PRUNE2: variants seen among roughly 807,000 people sequenced by gnomAD.
PRUNE2 encodes the protein protein prune homolog 2.
A neutral mutation model predicts 252.0 loss-of-function variants in PRUNE2; 164 were observed. The observed-to-expected ratio is 0.65, with a 90% CI of 0.57 to 0.74. The LOEUF (loss-of-function observed/expected upper bound fraction) is 0.74, where lower values mean the gene tolerates loss of function less well. Among genes scored for constraint, PRUNE2 ranks in the 30% least tolerant of loss-of-function variants. The pLI is 0.00. For missense variants in PRUNE2, 3,495 were observed against 3,711.0 expected, an observed-to-expected ratio of 0.94 and a Z score of 1.51; for synonymous variants, 1,292 against 1,350.2, an observed-to-expected ratio of 0.96 and a Z score of 0.94.
intron 6 of PRUNE2, 194 bp downstream of exon 6, chr9:76,823,438 G>A: frequency 1.9e-6 from 1 of 528,738 alleles, no homozygotes. Flanking sequence ...TGAGAATCCA[G>A]GTTTGGCATT....
intron 1 of PRUNE2, among the ~76,000 whole-genome samples, chr9:76,900,080 G>C (rs2063079469): frequency 6.6e-6 from 1 of 152,124 alleles, no homozygotes; most frequent in South Asian, 2.1e-4. Flanking sequence ...GGGTGGGTTA[G>C]GGAAGAGATG....
At chr9:76,617,171 C>T (rs919633455) in intron 18 of PRUNE2, among the ~76,000 whole-genome samples, 25 of 152,152 alleles carry the variant, frequency 1.6e-4, no homozygotes, top group African/African-American at 6.0e-4. Context: ...AGGTTCCTTA[C>T]AAACTGTCAG....
At chr9:76,723,809 T>TC (rs2047849509) in intron 6 of PRUNE2, among the ~76,000 whole-genome samples, 2 of 136,786 alleles carry the variant, frequency 1.5e-5, no homozygotes, top group South Asian at 4.6e-4. Context: ...AGCATATCTT[T>TC]CTTTTTTTTT....
intron 4 of PRUNE2, among the ~76,000 whole-genome samples, chr9:76,827,676 C>T (rs11145087): frequency 0.71 from 107,841 of 151,996 alleles, 38,654 homozygotes; most frequent in African/African-American, 0.82. Flanking sequence ...GGAAATAAAG[C>T]ATCCAGTGAG....
chr9:76,854,062 A>C (rs781259446), intron 2 of PRUNE2, 42 bp downstream of exon 2: 1 of 968,270 alleles, frequency 1.0e-6, no homozygotes, highest in Non-Finnish European at 1.6e-6. Context: ...AAAGTTACAT[A>C]ATAATTCAAA....
At chr9:76,901,613 G>A (rs553763137) in intron 1 of PRUNE2, among the ~76,000 whole-genome samples, 6 of 152,260 alleles carry the variant, frequency 3.9e-5, no homozygotes, top group East Asian at 1.9e-4. Flanking sequence ...ACATGCTGCC[G>A]TCTTTCTTTC....
chr9:76,677,576 G>A (rs2042829208), intron 9 of PRUNE2, among the ~76,000 whole-genome samples: 1 of 152,238 alleles, frequency 6.6e-6, no homozygotes, highest in Non-Finnish European at 1.5e-5. Flanking sequence ...TGAATAAACA[G>A]AAGATATGTG....
At chr9:76,870,481 C>G (rs940060417) in intron 1 of PRUNE2, among the ~76,000 whole-genome samples, 1 of 151,776 alleles carries the variant, frequency 6.6e-6, no homozygotes, top group Admixed American at 6.6e-5. Flanking sequence ...GTCAGGAGAT[C>G]GAGACCATCC....
Position 76,712,444 on chromosome 9 carries a change from C to T in PRUNE2, c.916-1086G>A, listed in dbSNP as rs71509897. Among the ~76,000 whole-genome samples the T allele has an allele frequency of 5.8e-3, 663 of 113,780 alleles. 3 individuals are homozygous for T. Among genetic ancestry groups the T allele is most frequent in the Non-Finnish European group, 8.4e-3 (520 of 61,688 alleles). 74.6% of individuals were successfully genotyped at this position (113,780 alleles called of 152,430 possible). On this transcript the variant is annotated intron_variant, in intron 7 of 18. Coordinates refer to ENST00000376718, the MANE Select transcript of PRUNE2 (RefSeq NM_015225.3). ...CTAGGCCAGAGCCAGGACTCTGTTG[C>T]TTAAGATTCCAGCGATCCACCTCTG...
At chr9:76,647,331 C>G (rs1198059085) in intron 11 of PRUNE2, among the ~76,000 whole-genome samples, 1 of 152,176 alleles carries the variant, frequency 6.6e-6, no homozygotes, top group Non-Finnish European at 1.5e-5. Context: ...GGGCATCCAC[C>G]TGTAAAATAA....
intron 6 of PRUNE2, among the ~76,000 whole-genome samples, chr9:76,723,810 CTTTTT>C (rs66816205): frequency 7.2e-6 from 1 of 138,656 alleles, no homozygotes; most frequent in African/African-American, 2.7e-5. Flanking sequence ...GCATATCTTT[CTTTTT>C]TTTTTTTTTT....
intron 6 of PRUNE2, among the ~76,000 whole-genome samples, chr9:76,760,570 A>G (rs1197127222): frequency 1.3e-5 from 2 of 152,118 alleles, no homozygotes; most frequent in Non-Finnish European, 2.9e-5. Flanking sequence ...AGTCCACACT[A>G]CATGCTGCAT....
rs756648285 is a variant in PRUNE2, at chr9:76,774,457, T to TATTTATTTATTTATTTA, written c.756+49174_756+49175insTAAATAAATAAATAAAT. Among the ~76,000 whole-genome samples, 415 of 73,522 alleles carry TATTTATTTATTTATTTA rather than the reference T, an allele frequency of 5.6e-3. 9 individuals carry two copies. Among genetic ancestry groups the TATTTATTTATTTATTTA allele is most frequent in the Admixed American group, 0.02 (157 of 7,986 alleles). The allele number at this position is 73,522 out of a possible 152,430, so 48.2% of individuals were successfully genotyped here. On this transcript the variant is annotated intron_variant, in intron 6 of 18. Transcript: ENST00000376718. ...CTGGCCTCCAGTTCAACCCTTTTTT[T>TATTTATTTATTTATTTA]TTTTTTTTTTTTTTTTTTTTGAGAT...
At chr9:76,838,344 T>C (rs1464064743) in intron 4 of PRUNE2, among the ~76,000 whole-genome samples, 1 of 151,920 alleles carries the variant, frequency 6.6e-6, no homozygotes, top group Non-Finnish European at 1.5e-5. Flanking sequence ...CATTTATATA[T>C]CATACAAATG....
intron 1 of PRUNE2, among the ~76,000 whole-genome samples, chr9:76,856,921 T>C (rs568640446): frequency 5.3e-5 from 8 of 152,174 alleles, no homozygotes; most frequent in African/African-American, 1.9e-4. Flanking sequence ...ATCCAGCTAA[T>C]TTTTGTATTT....
At chr9:76,885,123 A>AT (rs2133368947) in intron 1 of PRUNE2, among the ~76,000 whole-genome samples, 1 of 151,736 alleles carries the variant, frequency 6.6e-6, no homozygotes, top group East Asian at 1.9e-4. Context: ...ACCATGCAGA[A>AT]TAAAGGGGGA....
At chr9:76,764,379 T>C (rs2052098628) in intron 6 of PRUNE2, 1 of 152,286 alleles carries the variant, frequency 6.6e-6, no homozygotes, top group South Asian at 2.1e-4. Flanking sequence ...TGGGTTGGCA[T>C]TCTTGCATGA....
Position 76,619,379 on chromosome 9 carries a change from C to A in PRUNE2, c.9197G>T (p.Cys3066Phe). Residue 3066 changes from cysteine to phenylalanine, a missense_variant, in exon 18 of 19, where the codon TGC becomes TTC. By Grantham distance (205) the Cys-to-Phe change is radical. Transcript: ENST00000376718. ...AGACATTTCTGGATCATTGTAAAGG[C>A]AGCTAGTTCTGAGTGCAAGGAAAAA... is the stretch of plus-strand genomic sequence containing the variant. Reference protein sequence around the residue: ...REASEAAKTSCLYNDPEMSSM... With the variant: ...REASEAAKTSFLYNDPEMSSM... 6.2e-7 allele frequency: 1 copy of A among 1,606,124 alleles called. No individual in the cohort carries two copies. The highest frequency in any genetic ancestry group is 8.5e-7 in the Non-Finnish European group (1 of 1,175,306).
In PRUNE2 at chr9:76,868,680, C is replaced by T. The variant is rs116276673; in HGVS notation, c.37-14472G>A. Among the ~76,000 whole-genome samples the T allele has an allele frequency of 6.8e-3, 1,032 of 152,178 alleles. 13 individuals are homozygous for T. The highest frequency in any genetic ancestry group is 0.024 in the African/African-American group (988 of 41,498). Reference sequence around the variant, plus strand: ...CAATAGCAATCAGAAAAAATTGTTACGACTTCTCAAATTTGCCCTGAAGAC... The same window carrying T: ...CAATAGCAATCAGAAAAAATTGTTATGACTTCTCAAATTTGCCCTGAAGAC... On this transcript the variant is annotated intron_variant, in intron 1 of 18. Transcript: ENST00000376718.
Sources: gnomAD v4.1 joint callset for allele counts (sites outside exome capture counted in the v4.1 genomes callset) on GRCh38, gnomAD v4.1.1 for gene constraint, MANE v1.5 for transcripts, NCBI Gene and HGNC (gene_info 2026-07-23, HGNC 2026-07-21) for gene names.